Variants in PSMD12 observed in about 807,000 individuals in gnomAD.
PSMD12 encodes the protein 26S proteasome non-ATPase regulatory subunit 12.
A neutral mutation model predicts 62.9 loss-of-function variants in PSMD12; 8 were observed. The ratio of observed to expected loss-of-function variants is 0.13; its 90% confidence interval spans 0.07 to 0.23. The LOEUF (loss-of-function observed/expected upper bound fraction) is 0.23. Ranked by LOEUF, PSMD12 falls within the 10% of genes least tolerant of loss-of-function variation. The pLI is 1.00. For missense variants in PSMD12, 424 were observed against 550.2 expected (o/e 0.77, Z 2.29); for synonymous variants, 173 against 187.4 (o/e 0.92, Z 0.63).
chr17:67,354,094 T>C (rs2042044613), intron 3 of PSMD12, among the ~76,000 whole-genome samples: 1 of 152,184 alleles, frequency 6.6e-6, no homozygotes, highest in African/African-American at 2.4e-5. Context: ...TACATAAAAA[T>C]ACGTTTCTCC....
intron 10 of PSMD12, among the ~76,000 whole-genome samples, chr17:67,341,255 G>A (rs2041912297): frequency 6.6e-6 from 1 of 151,854 alleles, no homozygotes; most frequent in African/African-American, 2.4e-5. Flanking sequence ...AATCACTTGA[G>A]GTCAGGAGTT....
intron 10 of PSMD12, among the ~76,000 whole-genome samples, chr17:67,341,882 T>C (rs1198898948): frequency 6.6e-6 from 1 of 152,180 alleles, no homozygotes; most frequent in Non-Finnish European, 1.5e-5. Flanking sequence ...ACCTAAACTG[T>C]CACAGATCCT....
At position 67,338,462 on chromosome 17, in the gene PSMD12, T is replaced by C. The variant is rs1304681431; in HGVS notation, c.*2381A>G. ...TTGACAGGAAAAAACACGAAATGGA[T>C]GAACAGCTGATCGAGTCGAGTGCAA... On this transcript the variant is annotated 3_prime_UTR_variant, in exon 11 of 11. Transcript: ENST00000356126. The C allele has an allele frequency of 6.6e-6, 1 of 152,216 alleles. No homozygotes were observed. 9.4% of individuals were successfully genotyped at this position (152,216 alleles called of 1,614,324 possible).
intron 1 of PSMD12, among the ~76,000 whole-genome samples, chr17:67,362,208 C>T (rs895148585): frequency 1.3e-5 from 2 of 152,164 alleles, no homozygotes; most frequent in African/African-American, 2.4e-5. Context: ...ATATTAAGAA[C>T]TGCTAAATAC....
chr17:67,354,164 C>G (rs2042045230), intron 3 of PSMD12, among the ~76,000 whole-genome samples: 1 of 152,220 alleles, frequency 6.6e-6, no homozygotes, highest in Non-Finnish European at 1.5e-5. Context: ...AATCCCAGAA[C>G]TTTGGCAGAC....
At chr17:67,344,952 A>T (rs1425158571) in intron 8 of PSMD12, among the ~76,000 whole-genome samples, 172 bp from the exon 9 acceptor site, 1 of 152,224 alleles carries the variant, frequency 6.6e-6, no homozygotes, top group Non-Finnish European at 1.5e-5. Flanking sequence ...CATTTTTCCC[A>T]CAGTAGTTCA....
rs1022360132 is a variant in PSMD12 at position 67,347,206 on chromosome 17, T to C, written c.705A>G (p.Gln235=). ...KYYNLMIQLD[Q]HEGSYLSICK... is the part of the protein sequence containing the mutation. ...AAATAGACAAATAGGATCCCTCATG[T>C]TGATCCAGCTGAATCATTAAATTAT... Residue 235 remains glutamine (Q), a synonymous_variant, in exon 7 of 11, where the codon CAA becomes CAG. Transcript: ENST00000356126. 1 of 1,613,610 alleles carries C rather than the reference T, an allele frequency of 6.2e-7. No homozygotes were observed. Among genetic ancestry groups the C allele is most frequent in the Admixed American group, 1.7e-5 (1 of 60,004 alleles).
Position 67,347,233 on chromosome 17 carries a change from G to A in PSMD12, c.678C>T (p.Tyr226=). The part of the protein sequence containing the change: ...EENTEKLKLK[Y]YNLMIQLDQH... ...GATCCAGCTGAATCATTAAATTATA[G>A]TACTTCAACTTTAATTTCTGCAAAA... The change falls in exon 7 of 11, where the codon TAC becomes TAT. Residue 226 remains tyrosine (Y), a synonymous_variant. Coordinates refer to ENST00000356126, the MANE Select transcript of PSMD12 (RefSeq NM_002816.5). 6.2e-7 allele frequency: 1 copy of A among 1,613,404 alleles called. No individual in the cohort carries two copies. Among genetic ancestry groups the A allele is most frequent in the African/African-American group, 1.3e-5 (1 of 74,992 alleles).
intron 10 of PSMD12, 37 bp from the exon 11 acceptor site, chr17:67,341,089 T>C (rs1418999211): frequency 6.9e-7 from 1 of 1,443,788 alleles, no homozygotes; most frequent in Non-Finnish European, 9.3e-7. Flanking sequence ...TAAGACAGGA[T>C]AAATTACAGA....
rs761870735 is a variant in PSMD12 at position 67,357,422 on chromosome 17, T to C, written c.178A>G (p.Met60Val). 1 of 1,613,556 alleles carries C rather than the reference T, an allele frequency of 6.2e-7. No homozygotes were observed. The highest frequency in any genetic ancestry group is 8.5e-7 in the Non-Finnish European group (1 of 1,179,670). Reference sequence around the variant, plus strand: ...ACTAAGATACGGGATGTCGATACCATATCGGAAGCCTGTAAGGGTAAAAAT... The same window carrying C: ...ACTAAGATACGGGATGTCGATACCACATCGGAAGCCTGTAAGGGTAAAAAT... Reference protein sequence around the residue: ...LEKQTRTASDMVSTSRILVAV... With the variant: ...LEKQTRTASDVVSTSRILVAV... Residue 60 changes from methionine to valine, a missense_variant, in exon 3 of 11, where the codon ATG (methionine) becomes GTG (valine). Coordinates refer to ENST00000356126, the MANE Select transcript of PSMD12 (RefSeq NM_002816.5).
intron 1 of PSMD12, among the ~76,000 whole-genome samples, chr17:67,364,274 C>A (rs556337887): frequency 6.6e-6 from 1 of 151,976 alleles, no homozygotes; most frequent in South Asian, 2.1e-4. Flanking sequence ...TCTTAACAGG[C>A]CCCAACATTC....
At chr17:67,348,745 C>A in intron 4 of PSMD12, 91 bp from the exon 5 acceptor site, 1 of 1,109,134 alleles carries the variant, frequency 9.0e-7, no homozygotes, top group Non-Finnish European at 1.3e-6. Flanking sequence ...CACCTGTAAT[C>A]CTGACATTTT....
chr17:67,343,464 C>A (rs1175597198), intron 9 of PSMD12, among the ~76,000 whole-genome samples: 2 of 152,102 alleles, frequency 1.3e-5, no homozygotes, highest in Non-Finnish European at 2.9e-5. Context: ...CTCAGAGGGA[C>A]TTGGTGCGCA....
chr17:67,349,651 G>C (rs2041999943), intron 4 of PSMD12, among the ~76,000 whole-genome samples: 1 of 152,164 alleles, frequency 6.6e-6, no homozygotes, highest in Admixed American at 6.5e-5. Flanking sequence ...TTAAATACAA[G>C]ACTACCTTCT....
In PSMD12 at chr17:67,366,466, C is replaced by A; in HGVS notation, c.54G>T (p.Val18=). The stretch of plus-strand genomic sequence containing the variant: ...GCTGATCCACCGTGGCGCTGTAGTC[C>A]ACCTCCATCTTGACGATGCGCCCGT... ...RADGRIVKME[V]DYSATVDQRL... Residue 18 remains valine (V), a synonymous_variant, in exon 1 of 11, where the codon GTG becomes GTT. Transcript: ENST00000356126. 6.2e-7 allele frequency: 1 copy of A among 1,612,172 alleles called. No homozygotes were observed. Among genetic ancestry groups the A allele is most frequent in the South Asian group, 1.1e-5 (1 of 91,048 alleles).
Position 67,345,857 on chromosome 17 carries a change from C to A in PSMD12, c.796G>T (p.Ala266Ser). 6.2e-7 allele frequency: 1 copy of A among 1,607,240 alleles called. No homozygotes were observed. Among genetic ancestry groups the A allele is most frequent in the Non-Finnish European group, 8.5e-7 (1 of 1,174,050 alleles). ...IQAESEKWQQALKSVVLYVIL... is the reference protein window; with the variant it reads ...IQAESEKWQQSLKSVVLYVIL... ...ACATAGAGTACAACACTCTTCAGAG[C>A]CTAAAAGAGTTGTACAACAAGTTAT... The change falls in exon 8 of 11, where the codon GCT (alanine) becomes TCT (serine). Residue 266 changes from alanine (A) to serine (S), a missense_variant and splice_region_variant. Physicochemically the swap from Ala to Ser is moderately conservative, Grantham distance 99. Coordinates refer to ENST00000356126, the MANE Select transcript of PSMD12 (RefSeq NM_002816.5).
At chr17:67,353,507 A>G (rs2042038326) in intron 3 of PSMD12, among the ~76,000 whole-genome samples, 1 of 152,032 alleles carries the variant, frequency 6.6e-6, no homozygotes, top group African/African-American at 2.4e-5. Flanking sequence ...GGGTTTCGCC[A>G]TGTTGCCCAG....
intron 1 of PSMD12, among the ~76,000 whole-genome samples, chr17:67,358,083 G>A (rs959007245): frequency 6.6e-6 from 1 of 151,960 alleles, no homozygotes; most frequent in East Asian, 1.9e-4. Context: ...CACCACACCC[G>A]GCTAATTTTT....
Position 67,347,641 on chromosome 17 carries a change from C to T in PSMD12, c.511-156G>A, listed in dbSNP as rs368033570. Among the ~76,000 whole-genome samples, 1 of 152,016 alleles carries T rather than the reference C, an allele frequency of 6.6e-6. No individual in the cohort carries two copies. The highest frequency in any genetic ancestry group is 2.1e-4 in the South Asian group (1 of 4,826). ...GACAATTACATTAAAAGCTAGTTAC[C>T]GCTAGAAAATTACAATTTATAATGG... On this transcript the variant is annotated intron_variant, in intron 5 of 10. Transcript: ENST00000356126.
Sources: gnomAD v4.1 joint callset for allele counts (sites outside exome capture counted in the v4.1 genomes callset) on GRCh38, gnomAD v4.1.1 for gene constraint, MANE v1.5 for transcripts, NCBI Gene and HGNC (gene_info 2026-07-23, HGNC 2026-07-21) for gene names.